SNX5: variants seen among roughly 807,000 people sequenced by gnomAD.
SNX5 encodes the protein sorting nexin-5.
SNX5 carries 31 observed loss-of-function variants against 53.9 expected under a neutral mutation model. That is an observed-to-expected ratio of 0.58 (90% CI 0.43 to 0.78). The LOEUF (loss-of-function observed/expected upper bound fraction) is 0.78, where lower values mean the gene tolerates loss of function less well. Ranked by LOEUF, SNX5 falls within the 30% of genes least tolerant of loss-of-function variation. The pLI, the probability that SNX5 is intolerant of heterozygous loss-of-function variation, is 0.00. For synonymous variants in SNX5, 168 were observed against 171.1 expected, an observed-to-expected ratio of 0.98 and a Z score of 0.14; for missense variants, 471 against 478.8, an observed-to-expected ratio of 0.98 and a Z score of 0.15.
intron 2 of SNX5, among the ~76,000 whole-genome samples, chr20:17,956,282 T>C (rs2035354402): frequency 6.6e-6 from 1 of 152,224 alleles, no homozygotes; most frequent in African/African-American, 2.4e-5. Flanking sequence ...TCACCAGTCT[T>C]TTTACACTAC....
At position 17,968,403 on chromosome 20, in the gene SNX5, A is replaced by G. The variant is rs898048064; in HGVS notation, c.23T>C (p.Leu8Pro). 7.8e-7 allele frequency: 1 copy of G among 1,287,572 alleles called. No individual in the cohort carries two copies. Among genetic ancestry groups the G allele is most frequent in the Non-Finnish European group, 9.9e-7 (1 of 1,014,020 alleles). 79.8% of individuals were successfully genotyped at this position (1,287,572 alleles called of 1,614,324 possible). MAAVPELLQQQEEDRSKL... is the reference protein window; with the variant it reads MAAVPELPQQQEEDRSKL... Reference sequence around the variant, plus strand: ...GCTGCGGTCCTCCTCCTGCTGCTGCAGCAACTCGGGAACCGCGGCCATGGC... The same window carrying G: ...GCTGCGGTCCTCCTCCTGCTGCTGCGGCAACTCGGGAACCGCGGCCATGGC... The change falls in exon 1 of 13, where the codon CTG (leucine) becomes CCG (proline). Residue 8 changes from leucine to proline, a missense_variant. Transcript: ENST00000377759.
At chr20:17,951,251 C>A in intron 6 of SNX5, 1 of 447,194 alleles carries the variant, frequency 2.2e-6, no homozygotes, top group Non-Finnish European at 4.1e-6. Context: ...AGTAATCTCC[C>A]TCCTTACAGA....
chr20:17,952,083 T>C (rs887682588), intron 5 of SNX5, among the ~76,000 whole-genome samples: 2 of 151,760 alleles, frequency 1.3e-5, no homozygotes, highest in South Asian at 4.2e-4. Context: ...ATAAGCCGGG[T>C]GTGGTGGTGG....
In SNX5 at chr20:17,954,058, C is replaced by T; in HGVS notation, c.327G>A (p.Leu109=). The part of the protein sequence containing the change: ...FDGPREKMQK[L]GEGEGSMTKE... ...TGGTCATAGACCCTTCACCTTCTCC[C>T]AGTTTCTGCATCTTCTCTCGAGGAC... Residue 109 remains leucine (L), a synonymous_variant, in exon 4 of 13, where the codon CTG becomes CTA. Transcript: ENST00000377759. The T allele has an allele frequency of 6.2e-7, 1 of 1,614,000 alleles. No homozygotes were observed. Among genetic ancestry groups the T allele is most frequent in the African/African-American group, 1.3e-5 (1 of 75,046 alleles).
intron 11 of SNX5, 147 bp downstream of exon 11, chr20:17,947,339 T>G (rs1419768882): frequency 1.3e-6 from 1 of 765,842 alleles, no homozygotes; most frequent in South Asian, 1.9e-5. Context: ...TGAGGATGAC[T>G]GTGCATGTGC....
intron 11 of SNX5, chr20:17,947,197 A>G: frequency 6.0e-6 from 2 of 334,058 alleles, no homozygotes; most frequent in South Asian, 7.9e-5. Context: ...CTGTAACCAT[A>G]CAAGAGAATG....
intron 1 of SNX5, among the ~76,000 whole-genome samples, chr20:17,963,416 C>A (rs987795576): frequency 6.6e-6 from 1 of 152,176 alleles, no homozygotes; most frequent in African/African-American, 2.4e-5. Context: ...CAGTGAACTA[C>A]GATCAGACCA....
Position 17,947,631 on chromosome 20 carries a change from T to C in SNX5, c.933A>G (p.Arg311=). 6.2e-7 allele frequency: 1 copy of C among 1,613,274 alleles called. No individual in the cohort carries two copies. The highest frequency in any genetic ancestry group is 8.5e-7 in the Non-Finnish European group (1 of 1,179,730). Residue 311 remains arginine (R), a synonymous_variant, in exon 11 of 13, where the codon AGA becomes AGG. Transcript: ENST00000377759. Reference sequence around the variant, plus strand: ...CATAGTCAATGAGGGCTTTGGTGCGTCTGTATAAGAGATCCTGGGAAAAAA... The same window carrying C: ...CATAGTCAATGAGGGCTTTGGTGCGCCTGTATAAGAGATCCTGGGAAAAAA... ...NIEAAKDLLY[R]RTKALIDYEN...
At chr20:17,942,912 AGT>A in intron 12 of SNX5, 196 bp downstream of exon 12, 5 of 464,170 alleles carry the variant, frequency 1.1e-5, no homozygotes, top group Non-Finnish European at 1.5e-5. Flanking sequence ...AAAAAAAAAA[AGT>A]TGCTAAAAAT....
chr20:17,943,299 A>G, intron 11 of SNX5, 104 bp from the exon 12 acceptor site: 1 of 764,162 alleles, frequency 1.3e-6, no homozygotes, highest in Non-Finnish European at 2.3e-6. Context: ...CAATGCTTTC[A>G]GGCACCAGCA....
In SNX5 at chr20:17,956,930, T is replaced by C. The variant is rs1407044459; in HGVS notation, c.156+3A>G. On this transcript the variant is annotated splice_donor_region_variant and intron_variant, in intron 2 of 12. Coordinates refer to ENST00000377759, the MANE Select transcript of SNX5 (RefSeq NM_014426.4). ...GTATGTATTACCACTGCATGTTACT[T>C]ACCTTTGTGTGCACTGTAAATTTGA... is the stretch of plus-strand genomic sequence containing the variant. The C allele has an allele frequency of 6.7e-7, 1 of 1,490,048 alleles. No homozygotes were observed. Among genetic ancestry groups the C allele is most frequent in the Non-Finnish European group, 9.4e-7 (1 of 1,067,934 alleles). The allele number at this position is 1,490,048 out of a possible 1,614,324, so 92.3% of individuals were successfully genotyped here. A position where few individuals can be genotyped will look rare whatever the true frequency, so the allele number is the denominator to read the frequency against.
chr20:17,968,777 A>C lies in SNX5; in HGVS notation c.-352T>G. Reference sequence around the variant, plus strand: ...GGAAGCAACGGACACTCTCCCAGCAAGACGCGTCTAGAGAAAGACCGCGTT... The same window carrying C: ...GGAAGCAACGGACACTCTCCCAGCACGACGCGTCTAGAGAAAGACCGCGTT... On this transcript the variant is annotated 5_prime_UTR_variant, in exon 1 of 13. Transcript: ENST00000377759. The C allele has an allele frequency of 3.2e-6, 1 of 316,734 alleles. No homozygotes were observed. 19.6% of individuals were successfully genotyped at this position (316,734 alleles called of 1,614,324 possible).
intron 1 of SNX5, among the ~76,000 whole-genome samples, chr20:17,963,912 T>A (rs1009294902): frequency 6.0e-4 from 9 of 15,126 alleles, no homozygotes; most frequent in African/African-American, 4.1e-3. Context: ...TCTTTCACTC[T>A]TGAGTTTGAG....
At chr20:17,947,403 G>A in intron 11 of SNX5, 83 bp downstream of exon 11, 2 of 1,486,662 alleles carry the variant, frequency 1.3e-6, no homozygotes, top group South Asian at 1.3e-5. Context: ...ATACATGGGT[G>A]TTTTTTGCAC....
chr20:17,947,557 A>T lies in SNX5; in HGVS notation c.1007T>A (p.Val336Asp). The T allele has an allele frequency of 6.2e-7, 1 of 1,613,898 alleles. No homozygotes were observed. The highest frequency in any genetic ancestry group is 1.3e-5 in the African/African-American group (1 of 75,016). Residue 336 changes from valine to aspartate, a missense_variant, in exon 11 of 13, where the codon GTC becomes GAC. Coordinates refer to ENST00000377759, the MANE Select transcript of SNX5 (RefSeq NM_014426.4). ...CTGCTGGTGTGCCTCAGCCAACTTG[A>T]CGTCTTTGCTCTTTAACCGGGCCTT... ...LDKARLKSKDVKLAEAHQQEC... is the reference protein window; with the variant it reads ...LDKARLKSKDDKLAEAHQQEC...
At chr20:17,961,804 T>G (rs1375425198) in intron 1 of SNX5, 2 of 985,332 alleles carry the variant, frequency 2.0e-6, no homozygotes, top group Non-Finnish European at 2.4e-6. Context: ...AGAGGGCCAA[T>G]ATGACAAATC....
chr20:17,945,733 G>C (rs1408465686), intron 11 of SNX5, among the ~76,000 whole-genome samples: 1 of 152,092 alleles, frequency 6.6e-6, no homozygotes, highest in African/African-American at 2.4e-5. Flanking sequence ...AGGAAGCTCT[G>C]TGCCTTTGTG....
intron 12 of SNX5, 198 bp downstream of exon 12, chr20:17,942,912 A>AAAAAAAGG: frequency 2.2e-6 from 1 of 464,076 alleles, no homozygotes; most frequent in Non-Finnish European, 3.8e-6. Context: ...AAAAAAAAAA[A>AAAAAAAGG]GTTGCTAAAA....
chr20:17,957,187 G>C, intron 1 of SNX5, 150 bp from the exon 2 acceptor site: 2 of 630,716 alleles, frequency 3.2e-6, no homozygotes, highest in Non-Finnish European at 5.8e-6. Context: ...TGTAATCCCA[G>C]CACTTTGGGA....
Sources: gnomAD v4.1 joint callset for allele counts (sites outside exome capture counted in the v4.1 genomes callset) on GRCh38, gnomAD v4.1.1 for gene constraint, MANE v1.5 for transcripts, NCBI Gene and HGNC (gene_info 2026-07-23, HGNC 2026-07-21) for gene names.